The following MBTPS1 variants were observed in gnomAD, a reference collection of about 807,000 sequenced individuals.
MBTPS1 encodes the protein membrane-bound transcription factor site-1 protease.
MBTPS1 carries 94 observed loss-of-function variants against 127.8 expected under a neutral mutation model. That is an observed-to-expected ratio of 0.74 (90% CI 0.62 to 0.87). The LOEUF (loss-of-function observed/expected upper bound fraction) is 0.87, where lower values mean the gene tolerates loss of function less well. MBTPS1 is among the 40% of genes least tolerant of loss of function. The probability of loss-of-function intolerance (pLI) is 0.00; values close to 1 mark genes in which losing one functional copy is unlikely to be tolerated. For missense variants in MBTPS1, 1,636 were observed against 1,353.2 expected (o/e 1.21, Z -3.28); for synonymous variants, 632 against 509.4 (o/e 1.24, Z -3.24).
Position 84,095,696 on chromosome 16 carries a change from C to G in MBTPS1, c.531G>C (p.Thr177=). ...LSLGSGFWHA[T]GRHSSRRLLR... is the part of the protein sequence containing the mutation. ...GCAGCCGTCTGCTCGAATGCCTTCCCGTAGCATGCCAGAAGCCAGAGCCCA... is the reference window on the plus strand; with the variant it reads ...GCAGCCGTCTGCTCGAATGCCTTCCGGTAGCATGCCAGAAGCCAGAGCCCA... The change falls in exon 4 of 23, where the codon ACG becomes ACC. Residue 177 remains threonine (T), a synonymous_variant. Transcript: ENST00000343411. 6.2e-7 allele frequency: 1 copy of G among 1,614,198 alleles called. No individual in the cohort carries two copies. Among genetic ancestry groups the G allele is most frequent in the East Asian group, 2.2e-5 (1 of 44,888 alleles).
At chr16:84,068,813 G>A (rs1167396941) in intron 14 of MBTPS1, among the ~76,000 whole-genome samples, 2 of 152,246 alleles carry the variant, frequency 1.3e-5, no homozygotes, top group African/African-American at 4.8e-5. Context: ...AATAGCCGCG[G>A]GAGTGCAGGG....
At position 84,062,576 on chromosome 16, in the gene MBTPS1, G is replaced by A. The variant is rs377449556; in HGVS notation, c.2572+729C>T. Among the ~76,000 whole-genome samples, 5 of 152,120 alleles carry A rather than the reference G, an allele frequency of 3.3e-5. No individual in the cohort carries two copies. In the South Asian group the frequency reaches 6.2e-4, roughly 19 times the overall value. ...TCACTCACCACCCGCCCTGTGCCTC[G>A]AGTTCCCCAGTGGTCACAGCGCATT... On this transcript the variant is annotated intron_variant, in intron 19 of 22. Transcript: ENST00000343411.
At chr16:84,069,349 C>T (rs1327526910) in intron 14 of MBTPS1, among the ~76,000 whole-genome samples, 1 of 152,158 alleles carries the variant, frequency 6.6e-6, no homozygotes, top group Non-Finnish European at 1.5e-5. Context: ...ATGGGTCACA[C>T]CAGGGGGCTT....
intron 22 of MBTPS1, among the ~76,000 whole-genome samples, chr16:84,055,224 G>A (rs992690762): frequency 5.3e-5 from 8 of 152,180 alleles, no homozygotes; most frequent in Non-Finnish European, 1.0e-4. Context: ...TACCTTCAGC[G>A]CACCCCGTGA....
chr16:84,091,899 T>C (rs1038928805), intron 6 of MBTPS1, 51 bp from the exon 7 acceptor site: 14 of 1,046,298 alleles, frequency 1.3e-5, no homozygotes, highest in Non-Finnish European at 1.9e-5. Flanking sequence ...AGTTTTAAAG[T>C]GCTAGGACAG....
chr16:84,065,862 G>T, intron 17 of MBTPS1, 95 bp from the exon 18 acceptor site: 1 of 669,608 alleles, frequency 1.5e-6, no homozygotes, highest in East Asian at 3.0e-5. Context: ...TTCTTCAGAT[G>T]CTATGTATTT....
rs34067756 is a variant in MBTPS1, at chr16:84,068,436, G to A, written c.1974C>T (p.His658=). The A allele has an allele frequency of 8.0e-5, 129 of 1,612,980 alleles. 1 individual carries two copies. The African/African-American group carries it at 1.6e-3, about 20-fold the overall frequency. Residue 658 remains histidine (H), a synonymous_variant, in exon 15 of 23, where the codon CAC becomes CAT. Transcript: ENST00000343411. The part of the protein sequence containing the change: ...DPLDWNGDHI[H]TNFRDMYQHL... ...GCTGGTACATATCCCTGAAATTGGTGTGGATGTGATCACCATTCCTGAAAA... is the reference window on the plus strand; with the variant it reads ...GCTGGTACATATCCCTGAAATTGGTATGGATGTGATCACCATTCCTGAAAA...
chr16:84,091,444 C>G (rs991002855), intron 7 of MBTPS1, among the ~76,000 whole-genome samples: 1 of 147,488 alleles, frequency 6.8e-6, no homozygotes, highest in Non-Finnish European at 1.5e-5. Context: ...CAAGACTGTG[C>G]CATTGTACTC....
In MBTPS1 at chr16:84,076,853, C is replaced by T. The variant is rs187230592; in HGVS notation, c.1449-2112G>A. ...CATTTAAAATTTGATGCAATTGCAA[C>T]AAAAATTCCAACAAGCTTCTTTCAT... On this transcript the variant is annotated intron_variant, in intron 11 of 22. Coordinates refer to ENST00000343411, the MANE Select transcript of MBTPS1 (RefSeq NM_003791.4). Among the ~76,000 whole-genome samples, 1,032 of 152,154 alleles carry T rather than the reference C, an allele frequency of 6.8e-3. 6 individuals carry two copies. Among genetic ancestry groups the T allele is most frequent in the Non-Finnish European group, 9.3e-3 (634 of 67,980 alleles).
intron 12 of MBTPS1, 45 bp from the exon 13 acceptor site, chr16:84,070,821 A>G (rs759489443): frequency 5.4e-6 from 8 of 1,491,146 alleles, no homozygotes; most frequent in Admixed American, 4.2e-5. Context: ...GAAAAGCTCC[A>G]GGAGAAAACA....
intron 5 of MBTPS1, 137 bp from the exon 6 acceptor site, chr16:84,093,434 A>G (rs3743635): frequency 0.025 from 16,847 of 678,618 alleles, 576 homozygotes; most frequent in East Asian, 0.1. Flanking sequence ...CTGCTCTACG[A>G]TCCCCTTAGA....
At chr16:84,060,498 C>G (rs2085593419) in intron 20 of MBTPS1, 184 bp downstream of exon 20, 3 of 608,858 alleles carry the variant, frequency 4.9e-6, no homozygotes, top group Non-Finnish European at 8.4e-6. Flanking sequence ...CCTCTGGGGA[C>G]TAAGGATGGC....
intron 21 of MBTPS1, among the ~76,000 whole-genome samples, chr16:84,058,415 G>A (rs751640184): frequency 2.6e-5 from 4 of 152,232 alleles, no homozygotes; most frequent in African/African-American, 4.8e-5. Flanking sequence ...CCTGCCTGAG[G>A]GGCTGGGGAG....
At chr16:84,066,960 G>T (rs544763865) in intron 16 of MBTPS1, among the ~76,000 whole-genome samples, 1 of 152,100 alleles carries the variant, frequency 6.6e-6, no homozygotes, top group Non-Finnish European at 1.5e-5. Context: ...TAAAGAAACC[G>T]ATTCAAAACA....
intron 2 of MBTPS1, 77 bp from the exon 3 acceptor site, chr16:84,099,387 A>G: frequency 1.4e-6 from 2 of 1,439,560 alleles, no homozygotes; most frequent in Non-Finnish European, 1.9e-6. Flanking sequence ...ATCTAATCTA[A>G]AATCTGGCAA....
chr16:84,105,627 C>A (rs560835228), intron 1 of MBTPS1, among the ~76,000 whole-genome samples: 1 of 152,090 alleles, frequency 6.6e-6, no homozygotes, highest in Non-Finnish European at 1.5e-5. Context: ...CACTGCCCAG[C>A]CTGAGGAGGG....
At position 84,060,741 on chromosome 16, in the gene MBTPS1, G is replaced by C. The variant is rs1329423699; in HGVS notation, c.2645C>G (p.Ser882Cys). The change falls in exon 20 of 23, where the codon TCT becomes TGT. Residue 882 changes from serine (S) to cysteine (C), a missense_variant. Ser to Cys is a moderately radical substitution (Grantham distance 112). Transcript: ENST00000343411. The stretch of plus-strand genomic sequence containing the variant: ...ACTGGGAGGGCGCTGGCGGTTCCCA[G>C]AGTGACTGAGGCTAGGCGGTGTCAC... The part of the protein sequence containing the change: ...YGVTPPSLSH[S>C]GNRQRPPSGA... 1.2e-6 allele frequency: 2 copies of C among 1,612,928 alleles called. No homozygotes were observed. The highest frequency in any genetic ancestry group is 1.3e-5 in the African/African-American group (1 of 75,048).
At chr16:84,083,545 C>A (rs1377033920) in intron 10 of MBTPS1, among the ~76,000 whole-genome samples, 2 of 152,058 alleles carry the variant, frequency 1.3e-5, no homozygotes, top group Non-Finnish European at 2.9e-5. Flanking sequence ...CCTGCCTTGG[C>A]CTCCCAAAGT....
chr16:84,085,576 C>CT (rs1432762469), intron 9 of MBTPS1, among the ~76,000 whole-genome samples: 1 of 97,692 alleles, frequency 1.0e-5, no homozygotes, highest in Non-Finnish European at 2.3e-5. Context: ...CACCCGCCCC[C>CT]CCCCCAAAAA....
Sources: gnomAD v4.1 joint callset for allele counts (sites outside exome capture counted in the v4.1 genomes callset) on GRCh38, gnomAD v4.1.1 for gene constraint, MANE v1.5 for transcripts, NCBI Gene and HGNC (gene_info 2026-07-23, HGNC 2026-07-21) for gene names.